Variants in PAMR1 observed in about 807,000 individuals in gnomAD.
PAMR1 encodes the protein inactive serine protease PAMR1.
In PAMR1, 88 loss-of-function variants were observed where a neutral mutation model predicts 81.8. The ratio of observed to expected loss-of-function variants is 1.08; its 90% CI spans 0.91 to 1.28. PAMR1 has a LOEUF of 1.28. Ranked by LOEUF, PAMR1 falls within the 50% of genes most tolerant of loss-of-function variation. The pLI, the probability that PAMR1 is intolerant of heterozygous loss-of-function variation, is 0.00. For missense variants in PAMR1, 935 were observed against 919.7 expected, an observed-to-expected ratio of 1.02 and a Z score of -0.21; for synonymous variants, 336 against 345.3, an observed-to-expected ratio of 0.97 and a Z score of 0.30.
intron 1 of PAMR1, among the ~76,000 whole-genome samples, chr11:35,520,274 C>T (rs935503073): frequency 6.6e-6 from 1 of 152,104 alleles, no homozygotes; most frequent in Admixed American, 6.5e-5. Flanking sequence ...CAACTGCAAC[C>T]AAGTAAAAGG....
chr11:35,474,124 G>C (rs541238215), intron 4 of PAMR1, among the ~76,000 whole-genome samples: 1 of 152,160 alleles, frequency 6.6e-6, no homozygotes, highest in African/African-American at 2.4e-5. Context: ...CAACATTTGC[G>C]AAGGCCCTAA....
intron 6 of PAMR1, among the ~76,000 whole-genome samples, chr11:35,452,117 C>T (rs1357789046): frequency 1.3e-5 from 2 of 151,978 alleles, no homozygotes; most frequent in Non-Finnish European, 2.9e-5. Context: ...AATAACTATG[C>T]TGAATATGTT....
chr11:35,475,254 A>G (rs545088668), intron 3 of PAMR1, among the ~76,000 whole-genome samples: 1 of 152,302 alleles, frequency 6.6e-6, no homozygotes, highest in East Asian at 1.9e-4. Context: ...TTATGTAATA[A>G]ATGCCTCTTT....
chr11:35,452,894 G>C (rs1426890857), intron 6 of PAMR1, among the ~76,000 whole-genome samples: 1 of 152,072 alleles, frequency 6.6e-6, no homozygotes, highest in Non-Finnish European at 1.5e-5. Flanking sequence ...TTATTCACTA[G>C]ACTCTAATGG....
chr11:35,471,536 C>G (rs557155366), intron 4 of PAMR1, among the ~76,000 whole-genome samples: 1 of 152,200 alleles, frequency 6.6e-6, no homozygotes, highest in Admixed American at 6.5e-5. Flanking sequence ...CCTCTGCACA[C>G]TCTTCCGTTT....
At chr11:35,469,107 G>A (rs182650375) in intron 5 of PAMR1, among the ~76,000 whole-genome samples, 1 of 152,376 alleles carries the variant, frequency 6.6e-6, no homozygotes. Flanking sequence ...GCCATAGCTT[G>A]TTGGAGCAAG....
intron 3 of PAMR1, among the ~76,000 whole-genome samples, chr11:35,487,664 C>T (rs923209758): frequency 6.6e-6 from 1 of 152,192 alleles, no homozygotes; most frequent in African/African-American, 2.4e-5. Context: ...CAAGCCCCAA[C>T]CTCACTTCTA....
chr11:35,441,353 A>C, intron 7 of PAMR1, 128 bp downstream of exon 7: 1 of 706,364 alleles, frequency 1.4e-6, no homozygotes, highest in Non-Finnish European at 2.5e-6. Context: ...CCTCAGAGAT[A>C]TATGGTTTCA....
At chr11:35,448,741 GCACTTTTATGTTGA>G (rs1363928157) in intron 6 of PAMR1, among the ~76,000 whole-genome samples, 2 of 152,176 alleles carry the variant, frequency 1.3e-5, no homozygotes, top group South Asian at 2.1e-4. Context: ...TAAATTTTCA[GCACTTTTATGTTGA>G]TTTTTTCTCA....
At chr11:35,471,745 C>T (rs749301579) in intron 4 of PAMR1, among the ~76,000 whole-genome samples, 5 of 152,174 alleles carry the variant, frequency 3.3e-5, no homozygotes, top group Non-Finnish European at 7.4e-5. Context: ...CCCCCGATTC[C>T]AAGAGACAAG....
intron 1 of PAMR1, among the ~76,000 whole-genome samples, chr11:35,519,939 G>C (rs1485509276): frequency 2.0e-5 from 3 of 152,156 alleles, no homozygotes; most frequent in Non-Finnish European, 2.9e-5. Flanking sequence ...TATATGACCT[G>C]GGCAGGTACT....
At chr11:35,453,419 T>G (rs1856462610) in intron 6 of PAMR1, 1 of 152,234 alleles carries the variant, frequency 6.6e-6, no homozygotes, top group Non-Finnish European at 1.5e-5. Context: ...GTCTGTACAT[T>G]CGTATCTTTT....
rs150051727 is a variant in PAMR1 at position 35,474,728 on chromosome 11, C to G, written c.396G>C (p.Leu132=). The G allele has an allele frequency of 7.5e-6, 12 of 1,608,882 alleles. No individual in the cohort carries two copies. Among genetic ancestry groups the G allele is most frequent in the Non-Finnish European group, 1.0e-5 (12 of 1,177,540 alleles). Residue 132 remains leucine (L), a synonymous_variant, in exon 4 of 11, where the codon CTG becomes CTC. Transcript: ENST00000619888. The stretch of plus-strand genomic sequence containing the variant: ...ACAAAATCTGACCCTTTGGGGCTCG[C>G]AGAACCTGGCCACATCCTAAGAAAA... ...GGDCMRCGQV[L]RAPKGQILLE...
intron 8 of PAMR1, among the ~76,000 whole-genome samples, chr11:35,437,530 A>T (rs1565324699): frequency 1.3e-5 from 2 of 152,174 alleles, no homozygotes; most frequent in Non-Finnish European, 2.9e-5. Flanking sequence ...GAACTTGCAA[A>T]CAAACTCCTC....
At chr11:35,464,331 G>GA (rs896700240) in intron 6 of PAMR1, among the ~76,000 whole-genome samples, 10 of 152,210 alleles carry the variant, frequency 6.6e-5, no homozygotes, top group African/African-American at 2.2e-4. Flanking sequence ...GACTGATCTT[G>GA]AAAAAATATC....
At chr11:35,460,942 G>A (rs1037884615) in intron 6 of PAMR1, among the ~76,000 whole-genome samples, 1 of 152,312 alleles carries the variant, frequency 6.6e-6, no homozygotes, top group South Asian at 2.1e-4. Context: ...GTGTAAAAGT[G>A]TTCCTATTTC....
At chr11:35,454,414 A>G (rs2135359001) in intron 6 of PAMR1, among the ~76,000 whole-genome samples, 1 of 152,284 alleles carries the variant, frequency 6.6e-6, no homozygotes, top group Non-Finnish European at 1.5e-5. Context: ...GGTGTAATTT[A>G]TACCCCTCAG....
chr11:35,503,965 C>G (rs371270414), intron 1 of PAMR1, among the ~76,000 whole-genome samples: 1 of 151,966 alleles, frequency 6.6e-6, no homozygotes, highest in African/African-American at 2.4e-5. Context: ...TAGAGGGAAA[C>G]CTTTCCATTT....
At chr11:35,480,320 T>C (rs1333046941) in intron 3 of PAMR1, among the ~76,000 whole-genome samples, 3 of 152,208 alleles carry the variant, frequency 2.0e-5, no homozygotes, top group African/African-American at 7.2e-5. Flanking sequence ...GCAGAAAGTC[T>C]TTCTTCACCC....
Sources: gnomAD v4.1 joint callset for allele counts (sites outside exome capture counted in the v4.1 genomes callset) on GRCh38, gnomAD v4.1.1 for gene constraint, MANE v1.5 for transcripts, NCBI Gene and HGNC (gene_info 2026-07-23, HGNC 2026-07-21) for gene names.